The following PCDH15 variants were observed in gnomAD, a reference collection of about 807,000 sequenced individuals.
The protein encoded by PCDH15 is protocadherin related 15.
PCDH15 carries 129 observed loss-of-function variants against 178.5 expected under a neutral mutation model. The ratio of observed to expected loss-of-function variants is 0.72; its 90% CI spans 0.63 to 0.84. The LOEUF is 0.84. PCDH15 is among the 40% of genes least tolerant of loss of function. The pLI, the probability that PCDH15 is intolerant of heterozygous loss-of-function variation, is 0.00. For missense variants in PCDH15, 2,230 were observed against 2,099.9 expected (o/e 1.06, Z -1.21); for synonymous variants, 800 against 732.0 (o/e 1.09, Z -1.50).
At chr10:54,910,523 T>A (rs544121815) in intron 2 of PCDH15, among the ~76,000 whole-genome samples, 9 of 152,286 alleles carry the variant, frequency 5.9e-5, no homozygotes, top group African/African-American at 2.2e-4. Context: ...TCATTGGAAA[T>A]CTAGGCCTAA....
At chr10:54,135,163 A>G (rs2042797751) in intron 14 of PCDH15, among the ~76,000 whole-genome samples, 1 of 151,202 alleles carries the variant, frequency 6.6e-6, no homozygotes, top group Admixed American at 6.6e-5. Context: ...AGATCGTGCC[A>G]TTGCACTCCA....
At chr10:54,364,852 GTATT>G (rs768367874) in intron 5 of PCDH15, among the ~76,000 whole-genome samples, 26 of 152,068 alleles carry the variant, frequency 1.7e-4, no homozygotes, top group Non-Finnish European at 2.9e-4. Flanking sequence ...ATTATTGGCT[GTATT>G]TATTTATTTT....
chr10:54,000,426 A>G (rs376460857), intron 20 of PCDH15, among the ~76,000 whole-genome samples: 42 of 152,294 alleles, frequency 2.8e-4, no homozygotes, highest in African/African-American at 9.9e-4. Context: ...AACTCAAAAA[A>G]TTCAAGATAA....
intron 3 of PCDH15, among the ~76,000 whole-genome samples, chr10:54,458,150 T>C (rs1375685998): frequency 6.6e-6 from 1 of 152,214 alleles, no homozygotes; most frequent in African/African-American, 2.4e-5. Context: ...TGTTCTACTT[T>C]ACTTTTAGAC....
chr10:54,199,900 C>T (rs7900069), intron 10 of PCDH15, among the ~76,000 whole-genome samples: 34,133 of 151,772 alleles, frequency 0.22, 5,802 homozygotes, highest in African/African-American at 0.48. Flanking sequence ...CTTTCAGTAA[C>T]GAGACCAAAG....
intron 15 of PCDH15, among the ~76,000 whole-genome samples, chr10:54,092,795 C>G (rs1157942911): frequency 1.3e-5 from 2 of 152,032 alleles, no homozygotes; most frequent in Non-Finnish European, 2.9e-5. Context: ...AAAAAGCTTA[C>G]AGTGAACTTT....
chr10:54,440,433 T>C (rs1326649177), intron 3 of PCDH15, among the ~76,000 whole-genome samples: 1 of 151,942 alleles, frequency 6.6e-6, no homozygotes, highest in Non-Finnish European at 1.5e-5. Context: ...ATTTAATAAA[T>C]TACATATGAA....
At chr10:53,826,110 T>G (rs1236404776) in intron 32 of PCDH15, among the ~76,000 whole-genome samples, 1 of 151,732 alleles carries the variant, frequency 6.6e-6, no homozygotes, top group Non-Finnish European at 1.5e-5. Flanking sequence ...AATCAAATCA[T>G]ATTGGCTCAA....
intron 32 of PCDH15, chr10:53,821,224 C>T: frequency 1.0e-6 from 1 of 974,134 alleles, no homozygotes; most frequent in Non-Finnish European, 1.2e-6. Flanking sequence ...CTACTAAATC[C>T]ATAAGCATAC....
At chr10:55,417,931 AG>A (rs1838524401) in intron 2 of PCDH15, among the ~76,000 whole-genome samples, 1 of 151,674 alleles carries the variant, frequency 6.6e-6, no homozygotes, top group Middle Eastern at 3.2e-3. Context: ...TAGTATCTCA[AG>A]AAAAAAAATA....
At chr10:54,958,747 A>C (rs904048442) in intron 2 of PCDH15, among the ~76,000 whole-genome samples, 3 of 151,796 alleles carry the variant, frequency 2.0e-5, no homozygotes, top group Non-Finnish European at 4.4e-5. Context: ...AGATGAAATG[A>C]AACAGAGAAA....
intron 1 of PCDH15, among the ~76,000 whole-genome samples, chr10:55,250,629 C>T (rs974658563): frequency 6.7e-6 from 1 of 149,352 alleles, no homozygotes; most frequent in African/African-American, 2.5e-5. Flanking sequence ...CTTCACCTCC[C>T]GGGTTCAAGC....
chr10:54,083,571 A>C (rs955056019), intron 16 of PCDH15, among the ~76,000 whole-genome samples: 1 of 152,218 alleles, frequency 6.6e-6, no homozygotes, highest in Non-Finnish European at 1.5e-5. Context: ...GAATATTCAA[A>C]GTAGGTAACT....
intron 11 of PCDH15, 29 bp from the exon 12 acceptor site, chr10:54,185,297 C>A (rs774933041): frequency 7.4e-6 from 12 of 1,611,874 alleles, no homozygotes; most frequent in Non-Finnish European, 7.6e-6. Flanking sequence ...TCGTTTCAAA[C>A]GTTGAATAAA....
chr10:54,921,144 A>G (rs1433506926), intron 2 of PCDH15, among the ~76,000 whole-genome samples: 1 of 152,122 alleles, frequency 6.6e-6, no homozygotes, highest in Non-Finnish European at 1.5e-5. Context: ...ATAACCTAGA[A>G]GAGTTAAATT....
At chr10:53,888,300 A>ATATGTATATGTATATATATACG (rs1554845153) in intron 26 of PCDH15, among the ~76,000 whole-genome samples, 4,530 of 81,812 alleles carry the variant, frequency 0.055, 223 homozygotes, top group East Asian at 0.07. Context: ...ACATATATAT[A>ATATGTATATGTATATATATACG]TATATATATG....
intron 2 of PCDH15, among the ~76,000 whole-genome samples, chr10:55,414,827 G>C (rs1029436549): frequency 2.0e-5 from 3 of 150,226 alleles, no homozygotes; most frequent in Non-Finnish European, 4.5e-5. Context: ...GTTGTGTATA[G>C]AGTCTTTAGG....
At chr10:55,595,114 G>A (rs1487719494) in intron 2 of PCDH15, among the ~76,000 whole-genome samples, 2 of 151,960 alleles carry the variant, frequency 1.3e-5, no homozygotes, top group Non-Finnish European at 2.9e-5. Context: ...TGTATGCTAC[G>A]ATAAGTTTCA....
At chr10:55,214,197 T>C (rs966385446) in intron 1 of PCDH15, among the ~76,000 whole-genome samples, 1 of 152,042 alleles carries the variant, frequency 6.6e-6, no homozygotes, top group Non-Finnish European at 1.5e-5. Flanking sequence ...AAACAGTACT[T>C]GGAAAGCAAA....
Sources: allele counts gnomAD v4.1 joint callset (sites outside exome capture counted in the v4.1 genomes callset), GRCh38; gene constraint gnomAD v4.1.1; transcripts MANE v1.5; gene names NCBI Gene and HGNC (gene_info 2026-07-23, HGNC 2026-07-21).